AUTS2: variants seen among roughly 807,000 people sequenced by gnomAD.
AUTS2 encodes the protein autism susceptibility gene 2 protein.
A neutral mutation model predicts 112.4 loss-of-function variants in AUTS2; 17 were observed. The ratio of observed to expected loss-of-function variants is 0.15; its 90% CI spans 0.10 to 0.23. The LOEUF (loss-of-function observed/expected upper bound fraction) is 0.23. Ranked by LOEUF, AUTS2 falls within the 10% of genes least tolerant of loss-of-function variation. The probability of loss-of-function intolerance (pLI) is 1.00; values close to 1 mark genes in which losing one functional copy is unlikely to be tolerated. For missense variants in AUTS2, 1,510 were observed against 1,701.6 expected, an observed-to-expected ratio of 0.89 and a Z score of 1.98; for synonymous variants, 751 against 702.7, an observed-to-expected ratio of 1.07 and a Z score of -1.09.
chr7:70,573,408 AAAG>A (rs1802032622), intron 5 of AUTS2, among the ~76,000 whole-genome samples: 1 of 152,202 alleles, frequency 6.6e-6, no homozygotes, highest in African/African-American at 2.4e-5. Flanking sequence ...TTTCAACTCC[AAAG>A]AAGGGGATAA....
At chr7:70,418,812 A>G (rs1370825505) in intron 4 of AUTS2, among the ~76,000 whole-genome samples, 1 of 152,188 alleles carries the variant, frequency 6.6e-6, no homozygotes, top group South Asian at 2.1e-4. Flanking sequence ...CAAACTCTTT[A>G]TCACTCAGAA....
At chr7:70,765,853 A>G (rs1789904003) in intron 8 of AUTS2, among the ~76,000 whole-genome samples, 1 of 152,122 alleles carries the variant, frequency 6.6e-6, no homozygotes, top group African/African-American at 2.4e-5. Context: ...GGACTTTGGC[A>G]TTTGGCCTGG....
chr7:70,775,185 T>C, intron 12 of AUTS2, 172 bp from the exon 13 acceptor site: 3 of 617,190 alleles, frequency 4.9e-6, no homozygotes, highest in Non-Finnish European at 8.5e-6. Context: ...GAGGGGACAC[T>C]TGGCACTTTT....
chr7:70,715,433 A>G (rs1435994882), intron 6 of AUTS2, among the ~76,000 whole-genome samples: 1 of 152,116 alleles, frequency 6.6e-6, no homozygotes. Flanking sequence ...CAAATGCCAC[A>G]TTCTCCAGGA....
At chr7:69,764,430 C>T (rs561537913) in intron 1 of AUTS2, among the ~76,000 whole-genome samples, 6 of 149,784 alleles carry the variant, frequency 4.0e-5, no homozygotes, top group East Asian at 2.0e-4. Flanking sequence ...CGGGCAGGGG[C>T]GCAGGTCTCT....
intron 5 of AUTS2, among the ~76,000 whole-genome samples, chr7:70,677,467 C>T (rs1807974174): frequency 6.6e-6 from 1 of 152,190 alleles, no homozygotes; most frequent in Non-Finnish European, 1.5e-5. Flanking sequence ...TACATCTTAG[C>T]ATCGCCCTTT....
chr7:70,592,398 C>T (rs539757324), intron 5 of AUTS2, among the ~76,000 whole-genome samples: 1 of 151,708 alleles, frequency 6.6e-6, no homozygotes, highest in East Asian at 1.9e-4. Context: ...GGAGTCTTGC[C>T]CTGTTGACAG....
chr7:69,872,593 A>G (rs1014178997), intron 1 of AUTS2, among the ~76,000 whole-genome samples: 2 of 151,692 alleles, frequency 1.3e-5, no homozygotes, highest in African/African-American at 4.8e-5. Context: ...TATACAAGTC[A>G]TTTTTCTTTT....
intron 4 of AUTS2, among the ~76,000 whole-genome samples, chr7:70,249,788 C>T (rs1312079312): frequency 1.3e-5 from 2 of 151,052 alleles, no homozygotes; most frequent in African/African-American, 4.9e-5. Flanking sequence ...GATGCAGGTG[C>T]CCATATGGGA....
intron 5 of AUTS2, among the ~76,000 whole-genome samples, chr7:70,470,538 C>A (rs554577992): frequency 6.6e-5 from 10 of 152,282 alleles, no homozygotes; most frequent in Non-Finnish European, 1.0e-4. Context: ...CTAGAGTCAA[C>A]GCTATCTAAA....
In AUTS2 at chr7:70,579,016, TC is replaced by T. The variant is rs1188608729; in HGVS notation, c.691-119549del. 1.9e-4 allele frequency among the ~76,000 whole-genome samples: 29 copies of T among 148,746 alleles called. No homozygotes were observed. In the Admixed American group the frequency reaches 2.0e-3, roughly 10 times the overall value. ...ATCATGGCTCACTGCAGCCTCAACC[TC>T]CCCAGGGTTCAGGTGATCCTCCCAC... On this transcript the variant is annotated intron_variant, in intron 5 of 18. Coordinates refer to ENST00000342771, the MANE Select transcript of AUTS2 (RefSeq NM_015570.4).
chr7:70,609,575 G>GTT (rs1563074112), intron 5 of AUTS2, among the ~76,000 whole-genome samples: 1 of 140,680 alleles, frequency 7.1e-6, no homozygotes, highest in African/African-American at 2.9e-5. Flanking sequence ...TGTTTTTTTT[G>GTT]TTTTGTTTTT....
chr7:70,270,576 T>G (rs1787642580), intron 4 of AUTS2, among the ~76,000 whole-genome samples: 1 of 152,142 alleles, frequency 6.6e-6, no homozygotes, highest in South Asian at 2.1e-4. Context: ...TGCAGGACCC[T>G]TTGAAAGATT....
chr7:70,220,831 A>G (rs1231658474), intron 4 of AUTS2, among the ~76,000 whole-genome samples: 3 of 152,212 alleles, frequency 2.0e-5, no homozygotes, highest in Non-Finnish European at 4.4e-5. Flanking sequence ...GAAAATTTCA[A>G]ACATATAGCA....
intron 5 of AUTS2, among the ~76,000 whole-genome samples, chr7:70,606,024 C>T (rs944617513): frequency 6.6e-6 from 1 of 152,192 alleles, no homozygotes. Context: ...GCCTTTTCAG[C>T]AGCTGGGCTT....
chr7:70,628,719 A>T (rs1384920082), intron 5 of AUTS2, among the ~76,000 whole-genome samples: 3 of 152,088 alleles, frequency 2.0e-5, no homozygotes, highest in Non-Finnish European at 2.9e-5. Context: ...ACCAGTTAGG[A>T]TGCTGTTACA....
chr7:70,621,029 G>A (rs1804644917), intron 5 of AUTS2, among the ~76,000 whole-genome samples: 1 of 152,244 alleles, frequency 6.6e-6, no homozygotes, highest in Non-Finnish European at 1.5e-5. Context: ...CCGCGGTATG[G>A]CGGCGGTGGG....
chr7:70,458,941 G>C (rs780864323), intron 5 of AUTS2, among the ~76,000 whole-genome samples: 2 of 152,198 alleles, frequency 1.3e-5, no homozygotes, highest in African/African-American at 4.8e-5. Flanking sequence ...CAGTGCAGCT[G>C]CCTGTCGCTC....
chr7:69,981,738 A>T (rs1049316923), intron 2 of AUTS2, among the ~76,000 whole-genome samples: 1 of 152,236 alleles, frequency 6.6e-6, no homozygotes, highest in Non-Finnish European at 1.5e-5. Context: ...TGAAATTTAG[A>T]TATTAACAAA....
Sources: gnomAD v4.1 joint callset for allele counts (sites outside exome capture counted in the v4.1 genomes callset) on GRCh38, gnomAD v4.1.1 for gene constraint, MANE v1.5 for transcripts, NCBI Gene and HGNC (gene_info 2026-07-23, HGNC 2026-07-21) for gene names.